CTNNA3: variants seen among roughly 807,000 people sequenced by gnomAD.
CTNNA3 encodes catenin alpha-3.
A neutral mutation model predicts 95.7 loss-of-function variants in CTNNA3; 76 were observed. That is an observed-to-expected ratio of 0.79 (90% CI 0.66 to 0.96). The LOEUF (loss-of-function observed/expected upper bound fraction) is 0.96, where lower values mean the gene tolerates loss of function less well. Ranked by LOEUF, CTNNA3 falls within the 40% of genes least tolerant of loss-of-function variation. The pLI is 0.00. For missense variants in CTNNA3, 1,191 were observed against 1,089.8 expected (o/e 1.09, Z -1.31); for synonymous variants, 431 against 374.4 (o/e 1.15, Z -1.74).
At chr10:66,213,795 G>A (rs569892319) in intron 13 of CTNNA3, among the ~76,000 whole-genome samples, 167 of 152,274 alleles carry the variant, frequency 1.1e-3, no homozygotes, top group Non-Finnish European at 2.0e-3. Context: ...CGTTTAATGT[G>A]TAAGAAAGGG....
chr10:66,582,925 T>A, intron 10 of CTNNA3, among the ~76,000 whole-genome samples: 1 of 151,904 alleles, frequency 6.6e-6, no homozygotes, highest in Admixed American at 6.6e-5. Flanking sequence ...ATTCTGTTTA[T>A]CTGATGAATC....
chr10:67,096,292 G>A (rs1469007958), intron 7 of CTNNA3, among the ~76,000 whole-genome samples: 2 of 151,762 alleles, frequency 1.3e-5, no homozygotes, highest in Non-Finnish European at 2.9e-5. Context: ...CATGTAAGTA[G>A]AACTGTAGGG....
At chr10:66,082,402 C>T (rs972054279) in intron 14 of CTNNA3, among the ~76,000 whole-genome samples, 7 of 152,016 alleles carry the variant, frequency 4.6e-5, no homozygotes, top group African/African-American at 1.7e-4. Flanking sequence ...CTATAAAATA[C>T]TTCATCTGTA....
intron 9 of CTNNA3, among the ~76,000 whole-genome samples, chr10:66,746,511 T>C (rs1838879990): frequency 6.6e-6 from 1 of 152,180 alleles, no homozygotes; most frequent in Non-Finnish European, 1.5e-5. Flanking sequence ...TTACTACAAG[T>C]ATTATTTGCA....
intron 9 of CTNNA3, among the ~76,000 whole-genome samples, chr10:66,755,836 C>T (rs1307580071): frequency 1.3e-5 from 2 of 152,054 alleles, no homozygotes; most frequent in Admixed American, 6.6e-5. Flanking sequence ...GTTTAGAAGC[C>T]CACTTCTCAA....
Position 66,707,175 on chromosome 10 carries a change from A to C in CTNNA3, c.1281+59089T>G, listed in dbSNP as rs536151849. ...GAGTTCCAAGATAAAAATATTGGGA[A>C]GGTATTTTTCAATCAGTAAAACAAA... On this transcript the variant is annotated intron_variant, in intron 9 of 17. Transcript: ENST00000433211. Among the ~76,000 whole-genome samples, 8 of 152,178 alleles carry C rather than the reference A, an allele frequency of 5.3e-5. No individual in the cohort carries two copies. The South Asian group carries it at 1.7e-3, about 32-fold the overall frequency.
At chr10:67,210,745 AT>A (rs1276163443) in intron 6 of CTNNA3, among the ~76,000 whole-genome samples, 1 of 152,144 alleles carries the variant, frequency 6.6e-6, no homozygotes, top group East Asian at 1.9e-4. Context: ...GGGGGGCTCA[AT>A]AAAAAATAAT....
chr10:66,264,183 C>A (rs2091088275), intron 13 of CTNNA3, among the ~76,000 whole-genome samples: 1 of 151,850 alleles, frequency 6.6e-6, no homozygotes, highest in Non-Finnish European at 1.5e-5. Context: ...TATCTAAAGG[C>A]CACTAAATTG....
chr10:66,731,316 G>A (rs1169559505), intron 9 of CTNNA3, among the ~76,000 whole-genome samples: 1 of 152,126 alleles, frequency 6.6e-6, no homozygotes. Context: ...TAATGAATTG[G>A]GAGACAAGAC....
chr10:67,149,871 T>C (rs1445330795), intron 7 of CTNNA3, among the ~76,000 whole-genome samples: 1 of 152,210 alleles, frequency 6.6e-6, no homozygotes, highest in Non-Finnish European at 1.5e-5. Context: ...CCCTGGCATT[T>C]TGATAATGTT....
chr10:66,005,979 A>C (rs577936007), intron 15 of CTNNA3, among the ~76,000 whole-genome samples: 7 of 150,362 alleles, frequency 4.7e-5, no homozygotes, highest in Admixed American at 2.7e-4. Context: ...TTCCAGACTC[A>C]TATGAGTAGT....
intron 5 of CTNNA3, among the ~76,000 whole-genome samples, chr10:67,260,754 G>A (rs190670568): frequency 2.6e-5 from 4 of 151,492 alleles, no homozygotes; most frequent in African/African-American, 9.7e-5. Flanking sequence ...GCTCAATCTC[G>A]GCTCACTGCA....
chr10:66,843,558 A>G (rs1843143059), intron 7 of CTNNA3, among the ~76,000 whole-genome samples: 1 of 152,158 alleles, frequency 6.6e-6, no homozygotes, highest in Non-Finnish European at 1.5e-5. Flanking sequence ...AAAGAATGTG[A>G]CCATAAGGGA....
At chr10:66,069,650 A>T (rs561919866) in intron 14 of CTNNA3, among the ~76,000 whole-genome samples, 161 bp from the exon 15 acceptor site, 2 of 152,282 alleles carry the variant, frequency 1.3e-5, no homozygotes, top group South Asian at 4.1e-4. Flanking sequence ...TTAATATTTC[A>T]TATAAAAATC....
chr10:67,177,983 G>A (rs1232835468), intron 7 of CTNNA3, among the ~76,000 whole-genome samples: 1 of 152,152 alleles, frequency 6.6e-6, no homozygotes, highest in Non-Finnish European at 1.5e-5. Flanking sequence ...CCAGGCTTGG[G>A]TTTTCATGCT....
At chr10:66,264,266 A>C (rs1029300272) in intron 13 of CTNNA3, among the ~76,000 whole-genome samples, 2 of 151,858 alleles carry the variant, frequency 1.3e-5, no homozygotes, top group African/African-American at 4.8e-5. Flanking sequence ...ACACACACAC[A>C]ATGCCCCAAA....
intron 5 of CTNNA3, among the ~76,000 whole-genome samples, chr10:67,397,996 A>G (rs963978912): frequency 6.6e-6 from 1 of 152,218 alleles, no homozygotes; most frequent in Non-Finnish European, 1.5e-5. Context: ...TTTGTTGCAG[A>G]GGCAGAGCCC....
At chr10:65,963,332 T>C (rs1426950493) in intron 17 of CTNNA3, among the ~76,000 whole-genome samples, 1 of 152,140 alleles carries the variant, frequency 6.6e-6, no homozygotes, top group East Asian at 1.9e-4. Flanking sequence ...CTGCCCACCA[T>C]GTCCATAACA....
intron 7 of CTNNA3, among the ~76,000 whole-genome samples, chr10:66,888,860 T>TA: frequency 6.6e-6 from 1 of 152,304 alleles, no homozygotes; most frequent in Non-Finnish European, 1.5e-5. Flanking sequence ...GCTACTGCGA[T>TA]CCTTGGTATT....
Sources: allele counts gnomAD v4.1 joint callset (sites outside exome capture counted in the v4.1 genomes callset), GRCh38; gene constraint gnomAD v4.1.1; transcripts MANE v1.5; gene names NCBI Gene and HGNC (gene_info 2026-07-23, HGNC 2026-07-21).